The following NXPE4 variants were observed in gnomAD, a reference collection of about 807,000 sequenced individuals.
NXPE4 encodes neurexophilin and PC-esterase domain family member 4, also known as NXPE family member 4.
Under a neutral mutation model 33.3 loss-of-function variants are expected in NXPE4, and 42 were observed. The observed-to-expected ratio is 1.26, with a 90% confidence interval of 0.98 to 1.63. The LOEUF is 1.63. Among genes scored for constraint, NXPE4 ranks in the 40% most tolerant of loss-of-function variants. NXPE4 has a pLI of 0.00. For synonymous variants in NXPE4, 253 were observed against 234.9 expected, an observed-to-expected ratio of 1.08 and a Z score of -0.71; for missense variants, 709 against 647.6, an observed-to-expected ratio of 1.09 and a Z score of -1.03.
At chr11:114,643,024 A>AT in the NXPE4 span, among the ~76,000 whole-genome samples, 2 of 152,052 alleles carry the variant, frequency 1.3e-5, no homozygotes, top group Non-Finnish European at 2.9e-5. Context: ...GATGATGAGC[A>AT]TTTTTTAATG....
the NXPE4 span, among the ~76,000 whole-genome samples, chr11:114,646,061 G>T: frequency 2.6e-5 from 4 of 152,114 alleles, no homozygotes; most frequent in African/African-American, 9.6e-5. Flanking sequence ...GATATGATCT[G>T]CAAATAATGA....
intron 3 of NXPE4, 101 bp downstream of exon 3, chr11:114,582,187 G>A: frequency 7.7e-7 from 1 of 1,291,012 alleles, no homozygotes; most frequent in Non-Finnish European, 1.1e-6. Context: ...TCTTACTAAA[G>A]ACACCCAAAA....
Position 114,580,345 on chromosome 11 carries a change from A to G in NXPE4, c.893-7T>C, listed in dbSNP as rs375442419. On this transcript the variant is annotated splice_polypyrimidine_tract_variant and splice_region_variant and intron_variant, in intron 4 of 5. Coordinates refer to ENST00000375478, the MANE Select transcript of NXPE4 (RefSeq NM_001077639.2). ...TTCATTGCAACTGTTTCTTCTGCCA[A>G]AGAATCAATGAGATAGGATCTTCCA... 3 of 1,612,674 alleles carry G rather than the reference A, an allele frequency of 1.9e-6. No individual in the cohort carries two copies. The highest frequency in any genetic ancestry group is 2.7e-5 in the African/African-American group (2 of 74,894).
chr11:114,633,327 G>T, the NXPE4 span, among the ~76,000 whole-genome samples: 6 of 134,866 alleles, frequency 4.4e-5, no homozygotes, highest in Middle Eastern at 3.7e-3. Flanking sequence ...ATATTATGTG[G>T]TATTACATTT....
Position 114,594,286 on chromosome 11 carries a change from A to G in NXPE4, c.96+378T>C, listed in dbSNP as rs1056104262. ...TTATATGCTTGTATCAAAATATCTC[A>G]TCTACCCCATAAATACATACACCTA... is the stretch of plus-strand genomic sequence containing the variant. On this transcript the variant is annotated intron_variant, in intron 2 of 5. Coordinates refer to ENST00000375478, the MANE Select transcript of NXPE4 (RefSeq NM_001077639.2). 5.9e-5 allele frequency among the ~76,000 whole-genome samples: 9 copies of G among 152,316 alleles called. No individual in the cohort carries two copies. In the East Asian group the frequency reaches 1.5e-3, roughly 26 times the overall value.
At chr11:114,604,264 T>A in the NXPE4 span, among the ~76,000 whole-genome samples, 1 of 151,994 alleles carries the variant, frequency 6.6e-6, no homozygotes, top group African/African-American at 2.4e-5. Context: ...GGGTAACCAG[T>A]GTTACCTGCT....
the NXPE4 span, among the ~76,000 whole-genome samples, chr11:114,670,232 A>G: frequency 6.6e-6 from 1 of 152,054 alleles, no homozygotes; most frequent in Non-Finnish European, 1.5e-5. Flanking sequence ...ACAGATGGAG[A>G]GAGCTTAGAG....
the NXPE4 span, among the ~76,000 whole-genome samples, chr11:114,647,355 C>T: frequency 6.6e-6 from 1 of 152,042 alleles, no homozygotes; most frequent in South Asian, 2.1e-4. Flanking sequence ...GTTCCCTTTA[C>T]TTTCTAGAAC....
At chr11:114,631,209 A>G in the NXPE4 span, among the ~76,000 whole-genome samples, 388 of 152,112 alleles carry the variant, frequency 2.6e-3, 2 homozygotes, top group Non-Finnish European at 4.4e-3. Flanking sequence ...TGCTGCTATA[A>G]AGACACATGC....
intron 5 of NXPE4, 62 bp from the exon 6 acceptor site, chr11:114,571,535 A>G (rs1177200977): frequency 1.0e-5 from 14 of 1,391,070 alleles, no homozygotes; most frequent in Non-Finnish European, 1.3e-5. Context: ...TTGAGTAGAT[A>G]TAAAGATGGA....
At chr11:114,662,225 C>A in the NXPE4 span, among the ~76,000 whole-genome samples, 1 of 134,422 alleles carries the variant, frequency 7.4e-6, no homozygotes, top group African/African-American at 2.6e-5. Context: ...TTTCTGTGCA[C>A]TGGGGAGAGA....
the NXPE4 span, among the ~76,000 whole-genome samples, chr11:114,639,331 T>G: frequency 1.9e-4 from 29 of 152,158 alleles, no homozygotes; most frequent in Non-Finnish European, 2.2e-4. Context: ...AAGTGCAGTA[T>G]TAGGGTGGGA....
the NXPE4 span, among the ~76,000 whole-genome samples, chr11:114,630,004 G>T: frequency 6.6e-6 from 1 of 150,636 alleles, no homozygotes; most frequent in East Asian, 1.9e-4. Context: ...ACAAACCACT[G>T]CTCAAGGAAA....
chr11:114,646,302 T>A, the NXPE4 span, among the ~76,000 whole-genome samples: 2 of 151,592 alleles, frequency 1.3e-5, no homozygotes, highest in African/African-American at 4.8e-5. Context: ...TCATAAATAT[T>A]ATGTATATTT....
chr11:114,637,540 T>C, the NXPE4 span, among the ~76,000 whole-genome samples: 1 of 151,062 alleles, frequency 6.6e-6, no homozygotes, highest in African/African-American at 2.4e-5. Context: ...CGTTAGTTGA[T>C]ACAGTTTCTT....
At chr11:114,653,609 G>C in the NXPE4 span, among the ~76,000 whole-genome samples, 2 of 145,508 alleles carry the variant, frequency 1.4e-5, no homozygotes, top group South Asian at 4.4e-4. Context: ...CTCACTGCAA[G>C]CTTCAACTTC....
the NXPE4 span, among the ~76,000 whole-genome samples, chr11:114,640,350 T>C: frequency 1.3e-5 from 2 of 149,188 alleles, no homozygotes; most frequent in African/African-American, 4.9e-5. Context: ...TATATAAATG[T>C]AGCATATATA....
At position 114,570,718 on chromosome 11, in the gene NXPE4, G is replaced by T. The variant is rs190342407; in HGVS notation, c.*220C>A. On this transcript the variant is annotated 3_prime_UTR_variant, in exon 6 of 6. Coordinates refer to ENST00000375478, the MANE Select transcript of NXPE4 (RefSeq NM_001077639.2). Reference sequence around the variant, plus strand: ...GAGGGGTATGGCTCTGATCAAGAAGGGTAGGCTCTTTTCATGAGTATTTTT... The same window carrying T: ...GAGGGGTATGGCTCTGATCAAGAAGTGTAGGCTCTTTTCATGAGTATTTTT... 4.0e-3 allele frequency: 1,723 copies of T among 432,950 alleles called. 5 individuals carry two copies. Among genetic ancestry groups the T allele is most frequent in the Non-Finnish European group, 6.0e-3 (1,476 of 246,180 alleles). 26.8% of individuals were successfully genotyped at this position (432,950 alleles called of 1,614,324 possible).
the NXPE4 span, among the ~76,000 whole-genome samples, chr11:114,608,772 G>C: frequency 6.6e-6 from 1 of 151,608 alleles, no homozygotes; most frequent in African/African-American, 2.4e-5. Flanking sequence ...CTGCCTCATG[G>C]ATAACCACGG....
Sources: allele counts gnomAD v4.1 joint callset (sites outside exome capture counted in the v4.1 genomes callset), GRCh38; gene constraint gnomAD v4.1.1; transcripts MANE v1.5; gene names NCBI Gene and HGNC (gene_info 2026-07-23, HGNC 2026-07-21).